The following TMEM39A variants were observed in gnomAD, a reference collection of about 807,000 sequenced individuals.
TMEM39A encodes suppressor of SQST-1 aggregates in rpl-43 mutants.
In TMEM39A, 19 loss-of-function variants were observed where a neutral mutation model predicts 51.9. That is an observed-to-expected ratio of 0.37 (90% CI 0.26 to 0.54). TMEM39A has a LOEUF of 0.54. Ranked by LOEUF, TMEM39A falls within the 20% of genes least tolerant of loss-of-function variation. The probability of loss-of-function intolerance (pLI) is 0.88; values close to 1 mark genes in which losing one functional copy is unlikely to be tolerated. For missense variants in TMEM39A, 433 were observed against 590.5 expected, an observed-to-expected ratio of 0.73 and a Z score of 2.76; for synonymous variants, 197 against 220.2, an observed-to-expected ratio of 0.89 and a Z score of 0.93.
chr3:119,438,031 G>C lies in TMEM39A; in HGVS notation c.648C>G (p.Asn216Lys). Residue 216 changes from asparagine to lysine, a missense_variant, in exon 6 of 9, where the codon AAC becomes AAG. Asn to Lys is a moderately conservative substitution (Grantham distance 94). Transcript: ENST00000319172. ...SRAHLLLTDY[N>K]YVVQHEAVEE... ...CTACTGCCTCGTGCTGAACCACATA[G>C]TTGTAGTCTGTGAGAAGAAGATGTG... 1 of 1,611,354 alleles carries C rather than the reference G, an allele frequency of 6.2e-7. No individual in the cohort carries two copies. The highest frequency in any genetic ancestry group is 8.5e-7 in the Non-Finnish European group (1 of 1,177,630).
rs2080877155 is a variant in TMEM39A, at chr3:119,429,826, A to C, written c.*2155T>G. The C allele has an allele frequency of 6.6e-6, 1 of 152,172 alleles. No homozygotes were observed. 9.4% of individuals were successfully genotyped at this position (152,172 alleles called of 1,614,324 possible). A position where few individuals can be genotyped will look rare whatever the true frequency, so the allele number is the denominator to read the frequency against. ...ATCCACTTACTTATTTAGCCAAGCCAGCATCTGGTTCTGTGCTATTCCCTT... is the reference window on the plus strand; with the variant it reads ...ATCCACTTACTTATTTAGCCAAGCCCGCATCTGGTTCTGTGCTATTCCCTT... On this transcript the variant is annotated 3_prime_UTR_variant, in exon 9 of 9. Transcript: ENST00000319172.
At chr3:119,454,296 G>A (rs1243708646) in intron 3 of TMEM39A, among the ~76,000 whole-genome samples, 1 of 152,172 alleles carries the variant, frequency 6.6e-6, no homozygotes, top group Non-Finnish European at 1.5e-5. Context: ...AGAATGTCAA[G>A]AGTGGCTTGC....
chr3:119,430,177 T>C lies in TMEM39A; in HGVS notation c.*1804A>G, dbSNP rs910466971. ...ACTTTAAAAAGCAACTAACCTAATA[T>C]ATTTTCTTGCTATTCTTCCAATATA... On this transcript the variant is annotated 3_prime_UTR_variant, in exon 9 of 9. Transcript: ENST00000319172. The C allele has an allele frequency of 6.6e-6, 1 of 152,240 alleles. No homozygotes were observed. Among genetic ancestry groups the C allele is most frequent in the Admixed American group, 6.5e-5 (1 of 15,278 alleles). 9.4% of individuals were successfully genotyped at this position (152,240 alleles called of 1,614,324 possible). A position where few individuals can be genotyped will look rare whatever the true frequency, so the allele number is the denominator to read the frequency against.
intron 4 of TMEM39A, chr3:119,451,415 G>T (rs1379410637): frequency 2.7e-6 from 2 of 739,060 alleles, no homozygotes; most frequent in Non-Finnish European, 4.0e-6. Context: ...TAAGTTCCAA[G>T]ATTAAAATTA....
chr3:119,452,957 G>A (rs1178473169), intron 3 of TMEM39A, among the ~76,000 whole-genome samples: 1 of 151,940 alleles, frequency 6.6e-6, no homozygotes, highest in Non-Finnish European at 1.5e-5. Context: ...TAATCTAATT[G>A]GGCATCTACT....
At chr3:119,436,036 T>A in intron 7 of TMEM39A, 1 of 809,394 alleles carries the variant, frequency 1.2e-6, no homozygotes, top group Non-Finnish European at 1.8e-6. Context: ...GGGAAAAATT[T>A]CTAGATGAAA....
At chr3:119,446,941 C>G in intron 5 of TMEM39A, 77 bp downstream of exon 5, 1 of 1,450,290 alleles carries the variant, frequency 6.9e-7, no homozygotes, top group Non-Finnish European at 9.3e-7. Flanking sequence ...TCATTTTTCA[C>G]TCTTAAAAGT....
At chr3:119,447,287 G>T in intron 4 of TMEM39A, 115 bp from the exon 5 acceptor site, 2 of 1,119,336 alleles carry the variant, frequency 1.8e-6, no homozygotes, top group Non-Finnish European at 2.5e-6. Flanking sequence ...TCTTTAAAAA[G>T]TGAAATAAAA....
intron 1 of TMEM39A, among the ~76,000 whole-genome samples, chr3:119,462,587 C>A (rs745699788): frequency 2.4e-5 from 3 of 124,224 alleles, no homozygotes; most frequent in Non-Finnish European, 4.7e-5. Flanking sequence ...TGACCTTATC[C>A]GGATAAGTTA....
chr3:119,446,213 T>C (rs773716963), intron 5 of TMEM39A, among the ~76,000 whole-genome samples: 19 of 152,334 alleles, frequency 1.2e-4, no homozygotes, highest in Non-Finnish European at 2.8e-4. Flanking sequence ...TCAAGAACTT[T>C]CCCTTTTCAC....
Position 119,437,911 on chromosome 3 carries a change from T to G in TMEM39A, c.768A>C (p.Thr256=). ...GGGGACAACTGTGGGTGGGGATGGG[T>G]GTGGCATTATTAAACTGTTCTTTTA... is the stretch of plus-strand genomic sequence containing the variant. ...ESLKEQFNNA[T]PIPTHSCPLS... is the part of the protein sequence containing the mutation. The change falls in exon 6 of 9, where the codon ACA becomes ACC. Residue 256 remains threonine (T), a synonymous_variant. Coordinates refer to ENST00000319172, the MANE Select transcript of TMEM39A (RefSeq NM_018266.3). The G allele has an allele frequency of 6.2e-7, 1 of 1,614,012 alleles. No homozygotes were observed. The highest frequency in any genetic ancestry group is 8.5e-7 in the Non-Finnish European group (1 of 1,179,950).
Position 119,449,979 on chromosome 3 carries a change from G to T in TMEM39A, c.420+2468C>A, listed in dbSNP as rs536485086. On this transcript the variant is annotated intron_variant, in intron 4 of 8. Coordinates refer to ENST00000319172, the MANE Select transcript of TMEM39A (RefSeq NM_018266.3). Reference sequence around the variant, plus strand: ...CTTAAATATTATTGATCTTTCTCAGGGTAGGGATCCTTTCTGTGATATATG... The same window carrying T: ...CTTAAATATTATTGATCTTTCTCAGTGTAGGGATCCTTTCTGTGATATATG... Among the ~76,000 whole-genome samples, 4 of 152,156 alleles carry T rather than the reference G, an allele frequency of 2.6e-5. No individual in the cohort carries two copies. In the East Asian group the frequency reaches 7.7e-4, roughly 29 times the overall value.
chr3:119,432,944 A>G (rs2080920347), intron 8 of TMEM39A, among the ~76,000 whole-genome samples: 1 of 152,132 alleles, frequency 6.6e-6, no homozygotes, highest in Admixed American at 6.6e-5. Flanking sequence ...TACTATATTT[A>G]CTCCCACTAA....
At chr3:119,462,448 C>T (rs1209789901) in intron 1 of TMEM39A, among the ~76,000 whole-genome samples, 2 of 151,910 alleles carry the variant, frequency 1.3e-5, no homozygotes, top group East Asian at 1.9e-4. Flanking sequence ...AAACATCACA[C>T]CTTATACATT....
intron 3 of TMEM39A, among the ~76,000 whole-genome samples, chr3:119,452,908 C>T (rs1229618969): frequency 2.0e-5 from 3 of 152,196 alleles, no homozygotes; most frequent in African/African-American, 7.2e-5. Flanking sequence ...ATTCAGTCTT[C>T]AGAAGTTACT....
chr3:119,442,142 A>C (rs2081062648), intron 5 of TMEM39A, among the ~76,000 whole-genome samples: 1 of 152,122 alleles, frequency 6.6e-6, no homozygotes, highest in Non-Finnish European at 1.5e-5. Flanking sequence ...GGAGTTCGAC[A>C]CCAGCATGGC....
At chr3:119,456,119 T>C (rs1306083014) in intron 3 of TMEM39A, among the ~76,000 whole-genome samples, 1 of 152,234 alleles carries the variant, frequency 6.6e-6, no homozygotes, top group Non-Finnish European at 1.5e-5. Context: ...AATATTTTAA[T>C]GTGTGTTCGT....
At chr3:119,454,705 G>A (rs1351836729) in intron 3 of TMEM39A, among the ~76,000 whole-genome samples, 1 of 152,044 alleles carries the variant, frequency 6.6e-6, no homozygotes, top group Non-Finnish European at 1.5e-5. Flanking sequence ...CAGGAGAATC[G>A]CTGAACCAGG....
At chr3:119,458,974 T>C (rs1006413294) in intron 2 of TMEM39A, among the ~76,000 whole-genome samples, 3 of 152,140 alleles carry the variant, frequency 2.0e-5, no homozygotes, top group African/African-American at 7.2e-5. Context: ...TAGCAATGAG[T>C]TGTGACAACA....
Sources: gnomAD v4.1 joint callset for allele counts (sites outside exome capture counted in the v4.1 genomes callset) on GRCh38, gnomAD v4.1.1 for gene constraint, MANE v1.5 for transcripts, NCBI Gene and HGNC (gene_info 2026-07-23, HGNC 2026-07-21) for gene names.